Variants in ESRRG observed in about 807,000 individuals in gnomAD.
ESRRG encodes the protein estrogen-related receptor gamma.
ESRRG carries 13 observed loss-of-function variants against 44.0 expected under a neutral mutation model. That is an observed-to-expected ratio of 0.30 (90% confidence interval 0.19 to 0.47). The LOEUF is 0.47. Ranked by LOEUF, ESRRG falls within the 20% of genes least tolerant of loss-of-function variation. The pLI, the probability that ESRRG is intolerant of heterozygous loss-of-function variation, is 1.00. For missense variants in ESRRG, 395 were observed against 580.6 expected, an observed-to-expected ratio of 0.68 and a Z score of 3.29; for synonymous variants, 215 against 214.6, an observed-to-expected ratio of 1.00 and a Z score of -0.02.
At chr1:216,736,283 C>T (rs970253931) in intron 2 of ESRRG, among the ~76,000 whole-genome samples, 2 of 150,066 alleles carry the variant, frequency 1.3e-5, no homozygotes, top group Admixed American at 1.3e-4. Context: ...CCCGGTTTCA[C>T]GCCATTCTCC....
At chr1:217,125,059 C>T (rs1415810959) in intron 1 of ESRRG, among the ~76,000 whole-genome samples, 1 of 152,190 alleles carries the variant, frequency 6.6e-6, no homozygotes, top group Non-Finnish European at 1.5e-5. Flanking sequence ...ACTCCAGGGC[C>T]TCTGAAGACA....
chr1:216,964,745 AG>A (rs946663688), intron 1 of ESRRG, among the ~76,000 whole-genome samples: 1 of 141,512 alleles, frequency 7.1e-6, no homozygotes, highest in Non-Finnish European at 1.5e-5. Flanking sequence ...GGAGAAGAGA[AG>A]GAAAAAAAAA....
At chr1:216,868,139 G>C (rs2096201981) in intron 2 of ESRRG, among the ~76,000 whole-genome samples, 2 of 146,074 alleles carry the variant, frequency 1.4e-5, no homozygotes, top group South Asian at 4.4e-4. Flanking sequence ...CCAGGCTGGA[G>C]TGGAATGGAG....
At chr1:216,680,980 A>C (rs1205921527) in intron 1 of ESRRG, among the ~76,000 whole-genome samples, 1 of 152,220 alleles carries the variant, frequency 6.6e-6, no homozygotes, top group Non-Finnish European at 1.5e-5. Flanking sequence ...ATCTGTAGCC[A>C]AAGAGAATAA....
chr1:216,665,587 G>T (rs1257844706), intron 2 of ESRRG, among the ~76,000 whole-genome samples: 1 of 152,012 alleles, frequency 6.6e-6, no homozygotes, highest in Non-Finnish European at 1.5e-5. Context: ...TTTACATCTG[G>T]CATGATGAAA....
intron 1 of ESRRG, among the ~76,000 whole-genome samples, chr1:216,721,089 C>T (rs1012238425): frequency 6.6e-6 from 1 of 152,218 alleles, no homozygotes; most frequent in African/African-American, 2.4e-5. Context: ...TCAGCTATTA[C>T]TGCTATTAAA....
At chr1:216,827,863 C>T (rs1268146969) in intron 2 of ESRRG, among the ~76,000 whole-genome samples, 1 of 152,106 alleles carries the variant, frequency 6.6e-6, no homozygotes, top group Non-Finnish European at 1.5e-5. Flanking sequence ...CAAATAGAAT[C>T]TGAATCAAGA....
At chr1:216,736,188 T>A (rs1169019401) in intron 2 of ESRRG, among the ~76,000 whole-genome samples, 1 of 134,398 alleles carries the variant, frequency 7.4e-6, no homozygotes, top group Non-Finnish European at 1.6e-5. Context: ...TTTTTTTTTT[T>A]TTTTTTTTTT....
chr1:217,040,940 G>T (rs565901991), intron 1 of ESRRG, among the ~76,000 whole-genome samples: 1 of 152,152 alleles, frequency 6.6e-6, no homozygotes, highest in South Asian at 2.1e-4. Context: ...TCAACACAGG[G>T]AATTCTGAGT....
intron 5 of ESRRG, among the ~76,000 whole-genome samples, chr1:216,538,148 G>A (rs925387052): frequency 1.3e-5 from 2 of 151,810 alleles, no homozygotes; most frequent in Non-Finnish European, 2.9e-5. Flanking sequence ...TTCTATTACT[G>A]CATTGTGTCG....
chr1:217,125,657 A>G (rs1485651278), intron 1 of ESRRG, among the ~76,000 whole-genome samples: 1 of 152,232 alleles, frequency 6.6e-6, no homozygotes, highest in Non-Finnish European at 1.5e-5. Context: ...TATGATAAAA[A>G]CATGGCATAT....
chr1:216,553,157 T>C (rs2056798242), intron 5 of ESRRG, among the ~76,000 whole-genome samples: 1 of 152,024 alleles, frequency 6.6e-6, no homozygotes, highest in South Asian at 2.1e-4. Flanking sequence ...AGTTAGTTTC[T>C]CCAGGAACTC....
intron 2 of ESRRG, among the ~76,000 whole-genome samples, chr1:216,668,466 T>A (rs1267466871): frequency 6.6e-6 from 1 of 152,226 alleles, no homozygotes; most frequent in Non-Finnish European, 1.5e-5. Context: ...TTAATAAACA[T>A]GTAAATCACA....
rs577826565 is a variant in ESRRG, at chr1:217,054,589, C to T, written c.-106+34918G>A. On this transcript the variant is annotated intron_variant, in intron 1 of 7. Coordinates refer to the ESRRG transcript ENST00000359162. Reference sequence around the variant, plus strand: ...TAATGGAAGAAAAACAGTCTCCCTTCGAGGAGGTTGCAACACCAGTTCCTG... The same window carrying T: ...TAATGGAAGAAAAACAGTCTCCCTTTGAGGAGGTTGCAACACCAGTTCCTG... 2.0e-5 allele frequency among the ~76,000 whole-genome samples: 3 copies of T among 152,246 alleles called. No individual in the cohort carries two copies. In the East Asian group the frequency reaches 5.8e-4, roughly 29 times the overall value.
intron 2 of ESRRG, among the ~76,000 whole-genome samples, chr1:216,933,861 A>G (rs981012789): frequency 2.0e-5 from 3 of 152,042 alleles, no homozygotes; most frequent in African/African-American, 7.2e-5. Flanking sequence ...CCCTTGGACT[A>G]TAGCTTTGCC....
At chr1:217,005,363 G>A (rs1419207139) in intron 1 of ESRRG, among the ~76,000 whole-genome samples, 9 of 152,104 alleles carry the variant, frequency 5.9e-5, no homozygotes, top group Non-Finnish European at 1.2e-4. Flanking sequence ...ACAAAGACTG[G>A]TGCCTTTTCT....
chr1:216,618,050 A>C (rs1574193155), intron 3 of ESRRG, among the ~76,000 whole-genome samples: 1 of 152,256 alleles, frequency 6.6e-6, no homozygotes, highest in African/African-American at 2.4e-5. Flanking sequence ...CCATCAAAAA[A>C]TTCATTGAAG....
chr1:216,784,567 C>G (rs557427435), intron 2 of ESRRG, among the ~76,000 whole-genome samples: 1 of 151,992 alleles, frequency 6.6e-6, no homozygotes, highest in South Asian at 2.1e-4. Context: ...TCCAGATTAC[C>G]TATAAACAAA....
intron 2 of ESRRG, among the ~76,000 whole-genome samples, chr1:216,837,113 TA>T (rs2095577334): frequency 6.6e-6 from 1 of 151,826 alleles, no homozygotes; most frequent in African/African-American, 2.4e-5. Context: ...ATTTTTTTTT[TA>T]AATACAACTT....
Sources: gnomAD v4.1 joint callset for allele counts (sites outside exome capture counted in the v4.1 genomes callset) on GRCh38, gnomAD v4.1.1 for gene constraint, MANE v1.5 for transcripts, NCBI Gene and HGNC (gene_info 2026-07-23, HGNC 2026-07-21) for gene names.